Variants in SRGAP2B observed in about 807,000 individuals in gnomAD.
SRGAP2B encodes the protein SLIT-ROBO Rho GTPase-activating protein 2B.
SRGAP2B carries 9 observed loss-of-function variants against 22.2 expected under a neutral mutation model. The observed-to-expected ratio is 0.41, with a 90% CI of 0.24 to 0.71. SRGAP2B has a LOEUF of 0.71. Ranked by LOEUF, SRGAP2B falls within the 30% of genes least tolerant of loss-of-function variation. The pLI is 0.35. For missense variants in SRGAP2B, 114 were observed against 235.8 expected (o/e 0.48, Z 3.38); for synonymous variants, 36 against 87.4 (o/e 0.41, Z 3.28).
At chr1:144,944,688 T>A (rs1360291290) in intron 4 of SRGAP2B, among the ~76,000 whole-genome samples, 15 of 22,258 alleles carry the variant, frequency 6.7e-4, no homozygotes, top group Admixed American at 2.9e-3. Flanking sequence ...GGTTGTTTTA[T>A]TTATTTATTT....
intron 3 of SRGAP2B, among the ~76,000 whole-genome samples, chr1:144,984,737 T>C (rs1291961896): frequency 1.3e-5 from 2 of 150,398 alleles, no homozygotes; most frequent in African/African-American, 5.0e-5. Flanking sequence ...GTCTCATGTT[T>C]CTTGTCATTT....
In SRGAP2B at chr1:144,953,801, A is replaced by G. The variant is rs665841; in HGVS notation, c.423+1638T>C. 1.1e-4 allele frequency among the ~76,000 whole-genome samples: 16 copies of G among 150,724 alleles called. No individual in the cohort carries two copies. The South Asian group carries it at 1.3e-3, about 12-fold the overall frequency. On this transcript the variant is annotated intron_variant, in intron 4 of 9. Transcript: ENST00000612199. ...TGGTAAAAAGGGAGCTGAGAGACTGAGTGAAGTCTAGCTAGGTGAACAGAT... is the reference window on the plus strand; with the variant it reads ...TGGTAAAAAGGGAGCTGAGAGACTGGGTGAAGTCTAGCTAGGTGAACAGAT...
Position 145,073,039 on chromosome 1 carries a change from A to C in SRGAP2B, c.67+19796T>G, listed in dbSNP as rs1429785501. Among the ~76,000 whole-genome samples the C allele has an allele frequency of 1.4e-5, 2 of 147,968 alleles. 1 individual carries two copies. Among genetic ancestry groups the C allele is most frequent in the African/African-American group, 5.1e-5 (2 of 39,176 alleles). On this transcript the variant is annotated intron_variant, in intron 2 of 9. Transcript: ENST00000612199. ...CAAACTCGGAGCAAGGCAGCTCAGA[A>C]CTCCAGTTTTCTCTCTCCTTGTTTA...
rs587744625 is a variant in SRGAP2B at position 144,984,805 on chromosome 1, C to G, written c.260+10203G>C. On this transcript the variant is annotated intron_variant, in intron 3 of 9. Transcript: ENST00000612199. The stretch of plus-strand genomic sequence containing the variant: ...CAGAATTCATACTTATTTAAACCAT[C>G]AGTGGTTTCCAGTGTCTATTGCATA... 4.6e-5 allele frequency among the ~76,000 whole-genome samples: 7 copies of G among 150,944 alleles called. No individual in the cohort carries two copies. The South Asian group carries it at 1.2e-3, about 27-fold the overall frequency.
At chr1:144,978,402 TG>T (rs1669049587) in intron 3 of SRGAP2B, among the ~76,000 whole-genome samples, 1 of 66,876 alleles carries the variant, frequency 1.5e-5, no homozygotes, top group Admixed American at 1.8e-4. Context: ...CCCAGCAGTT[TG>T]GGAGGTCGAG....
intron 2 of SRGAP2B, among the ~76,000 whole-genome samples, chr1:145,023,043 T>C (rs1158043525): frequency 1.0e-4 from 15 of 149,566 alleles, no homozygotes; most frequent in Admixed American, 3.3e-4. Flanking sequence ...TGCGTGCCTA[T>C]AGTCTCAGCT....
chr1:144,941,451 G>A (rs2101877862), intron 4 of SRGAP2B, among the ~76,000 whole-genome samples: 1 of 145,024 alleles, frequency 6.9e-6, no homozygotes, highest in South Asian at 2.2e-4. Context: ...TAAATGCTGG[G>A]AGAAGCTGGA....
At chr1:144,982,546 G>T (rs1241402904) in intron 3 of SRGAP2B, among the ~76,000 whole-genome samples, 1 of 150,114 alleles carries the variant, frequency 6.7e-6, no homozygotes, top group African/African-American at 2.5e-5. Context: ...ATTAGCTAGT[G>T]CTGTATATAC....
chr1:145,093,706 G>A (rs1221705910), intron 1 of SRGAP2B, among the ~76,000 whole-genome samples: 2 of 148,702 alleles, frequency 1.3e-5, no homozygotes, highest in Admixed American at 6.6e-5. Flanking sequence ...GCACCGGGCG[G>A]GGAATGCGGC....
intron 2 of SRGAP2B, among the ~76,000 whole-genome samples, chr1:145,023,121 C>T (rs376015413): frequency 2.0e-5 from 3 of 146,606 alleles, no homozygotes; most frequent in African/African-American, 5.2e-5. Flanking sequence ...GAGCAGAGAT[C>T]GCGCCACTGC....
chr1:144,978,994 C>T (rs2993855), intron 3 of SRGAP2B, among the ~76,000 whole-genome samples: 1 of 151,096 alleles, frequency 6.6e-6, no homozygotes, highest in Non-Finnish European at 1.5e-5. Context: ...CAAGAAGAGG[C>T]AGCACTGAAG....
At chr1:145,015,330 C>A (rs1672338512) in intron 2 of SRGAP2B, among the ~76,000 whole-genome samples, 1 of 115,040 alleles carries the variant, frequency 8.7e-6, no homozygotes, top group African/African-American at 3.8e-5. Flanking sequence ...CTACCCGCCT[C>A]AGCCTCCCAA....
At chr1:145,018,012 T>C (rs1672554741) in intron 2 of SRGAP2B, among the ~76,000 whole-genome samples, 1 of 150,834 alleles carries the variant, frequency 6.6e-6, no homozygotes, top group Non-Finnish European at 1.5e-5. Context: ...TGGCACAGAA[T>C]CTTCCACCTT....
At chr1:145,080,272 C>A (rs587746392) in intron 2 of SRGAP2B, among the ~76,000 whole-genome samples, 2 of 148,404 alleles carry the variant, frequency 1.3e-5, no homozygotes, top group South Asian at 2.1e-4. Context: ...ACCTGTAGGC[C>A]CATCAAGTAA....
chr1:144,922,830 AAATGGCTTTCTG>A, intron 4 of SRGAP2B, among the ~76,000 whole-genome samples: 1 of 150,924 alleles, frequency 6.6e-6, no homozygotes, highest in Non-Finnish European at 1.5e-5. Context: ...TCTAGGACAG[AAATGGCTTTCTG>A]AAAGCCATTT....
At chr1:144,963,223 C>T (rs1408600508) in intron 3 of SRGAP2B, among the ~76,000 whole-genome samples, 25 of 149,536 alleles carry the variant, frequency 1.7e-4, no homozygotes, top group Non-Finnish European at 2.2e-4. Flanking sequence ...TGCTACAATG[C>T]CACCCCAATA....
At chr1:144,909,252 G>C (rs1310511566) in intron 5 of SRGAP2B, among the ~76,000 whole-genome samples, 7 of 147,380 alleles carry the variant, frequency 4.7e-5, no homozygotes, top group Non-Finnish European at 8.9e-5. Flanking sequence ...AAGTAGCAGT[G>C]GGATGAAGGT....
At chr1:144,964,579 G>A (rs4844447) in intron 3 of SRGAP2B, among the ~76,000 whole-genome samples, 3 of 150,832 alleles carry the variant, frequency 2.0e-5, no homozygotes, top group South Asian at 2.1e-4. Context: ...TCAAATTAGC[G>A]AGTTCAGGTC....
At chr1:145,045,375 AAAT>A (rs1304641654) in intron 2 of SRGAP2B, among the ~76,000 whole-genome samples, 1 of 145,098 alleles carries the variant, frequency 6.9e-6, no homozygotes, top group African/African-American at 2.7e-5. Flanking sequence ...GGAGGAAAGA[AAAT>A]AAGAAAAGAA....
Sources: gnomAD v4.1 joint callset for allele counts (sites outside exome capture counted in the v4.1 genomes callset) on GRCh38, gnomAD v4.1.1 for gene constraint, MANE v1.5 for transcripts, NCBI Gene and HGNC (gene_info 2026-07-23, HGNC 2026-07-21) for gene names.